Variants in RABL6 observed in about 807,000 individuals in gnomAD.
RABL6 encodes RAB, member RAS oncogene family like 6, also known as rab-like protein 6.
Under a neutral mutation model 72.9 loss-of-function variants are expected in RABL6, and 28 were observed. The ratio of observed to expected loss-of-function variants is 0.38; its 90% CI spans 0.28 to 0.53. RABL6 has a LOEUF of 0.53. Ranked by LOEUF, RABL6 falls within the 20% of genes least tolerant of loss-of-function variation. The pLI is 0.80. For synonymous variants in RABL6, 477 were observed against 421.2 expected, an observed-to-expected ratio of 1.13 and a Z score of -1.62; for missense variants, 1,029 against 1,008.4, an observed-to-expected ratio of 1.02 and a Z score of -0.28.
intron 7 of RABL6, chr9:136,833,992 C>T: frequency 6.6e-7 from 1 of 1,518,632 alleles, no homozygotes; most frequent in Non-Finnish European, 8.9e-7. Flanking sequence ...CAAAGCCTCC[C>T]AGGGAGAGAA....
chr9:136,814,253 C>CAATCT, intron 1 of RABL6: 2 of 192,678 alleles, frequency 1.0e-5, no homozygotes. Context: ...TGCAATGGTG[C>CAATCT]TCACTGCAGC....
intron 7 of RABL6, chr9:136,833,627 G>T: frequency 6.6e-7 from 1 of 1,513,990 alleles, no homozygotes; most frequent in Non-Finnish European, 8.9e-7. Context: ...GCTGGGTCTG[G>T]GGGACCTGAA....
chr9:136,821,412 G>C (rs1018841747), intron 1 of RABL6: 19 of 985,298 alleles, frequency 1.9e-5, no homozygotes, highest in African/African-American at 5.2e-5. Context: ...GAGCGGTGCC[G>C]GGGCGGGGAG....
At chr9:136,821,306 G>A (rs1031557115) in intron 1 of RABL6, 3 of 983,892 alleles carry the variant, frequency 3.0e-6, no homozygotes, top group African/African-American at 1.7e-5. Flanking sequence ...CCGTCTCTGC[G>A]CTCTCCGCGT....
chr9:136,808,528 C>G (rs1054204214), intron 1 of RABL6: 2 of 384,350 alleles, frequency 5.2e-6, no homozygotes, highest in Non-Finnish European at 8.3e-6. Context: ...TCGCGGCCCC[C>G]GAGCCGCGGG....
Position 136,840,515 on chromosome 9 carries a change from A to AGCTCTAGGCCG in RABL6, c.2186_*6dup, listed in dbSNP as rs758153684. The stretch of plus-strand genomic sequence containing the variant: ...CACCCTGGGGGTGGCGACTACGAGG[A>AGCTCTAGGCCG]GCTCTAGGCCGGCGTGGGCAGTGGC... On this transcript the variant is annotated stop_gained and frameshift_variant, in exon 15 of 15. Transcript: ENST00000311502. LOFTEE classifies it high-confidence loss of function. 37 of 1,505,290 alleles carry AGCTCTAGGCCG rather than the reference A, an allele frequency of 2.5e-5. No homozygotes were observed. The highest frequency in any genetic ancestry group is 4.4e-4 in the Middle Eastern group (2 of 4,530). The allele number at this position is 1,505,290 out of a possible 1,614,324, so 93.2% of individuals were successfully genotyped here. A position where few individuals can be genotyped will look rare whatever the true frequency, so the allele number is the denominator to read the frequency against.
chr9:136,815,913 G>A (rs564973141), intron 1 of RABL6, among the ~76,000 whole-genome samples: 3 of 152,156 alleles, frequency 2.0e-5, no homozygotes, highest in South Asian at 2.1e-4. Flanking sequence ...TTCACATCCC[G>A]TTTAGTAAAA....
intron 1 of RABL6, chr9:136,821,254 G>C (rs944695994): frequency 2.2e-6 from 2 of 903,770 alleles, no homozygotes; most frequent in African/African-American, 1.8e-5. Flanking sequence ...AGGGACGTCA[G>C]CGCGTTGGTT....
chr9:136,812,421 T>TG (rs1183556852), intron 1 of RABL6, among the ~76,000 whole-genome samples: 1 of 152,180 alleles, frequency 6.6e-6, no homozygotes, highest in African/African-American at 2.4e-5. Context: ...TAGCCAGGTG[T>TG]GGTGGCGTAT....
In RABL6 at chr9:136,826,057, G is replaced by A. The variant is rs1848349465; in HGVS notation, c.313+231G>A. On this transcript the variant is annotated intron_variant, in intron 3 of 14. Transcript: ENST00000311502. The surrounding 1 kb of genome is among the most constrained non-coding windows in gnomAD (Gnocchi z 4.9). ...TTTAGCATACTCCCCGTCTCTGAGT[G>A]ACCGCGTGCACGGTGGCGGCAGGTG... 1.3e-5 allele frequency among the ~76,000 whole-genome samples: 2 copies of A among 152,200 alleles called. No individual in the cohort carries two copies. Among genetic ancestry groups the A allele is most frequent in the South Asian group, 4.1e-4 (2 of 4,834 alleles).
At chr9:136,835,178 A>C (rs933589025) in intron 7 of RABL6, 2 of 152,222 alleles carry the variant, frequency 1.3e-5, no homozygotes, top group Admixed American at 6.5e-5. Context: ...CAGCTGGATC[A>C]CCTGAGGTCA....
At chr9:136,823,335 C>T (rs559971965) in intron 1 of RABL6, among the ~76,000 whole-genome samples, 190 bp from the exon 2 acceptor site, 1 of 152,284 alleles carries the variant, frequency 6.6e-6, no homozygotes, top group South Asian at 2.1e-4. Context: ...AGGTGTCCTC[C>T]TGATGGGAGA....
Position 136,837,358 on chromosome 9 carries a change from G to T in RABL6, c.822G>T (p.Met274Ile). 1 of 1,604,930 alleles carries T rather than the reference G, an allele frequency of 6.2e-7. No homozygotes were observed. ...TTCTGCCTTTCAGCTTCCTGGAGAT[G>T]ATGGAGGCTCGCAGCCGTGGCCATG... ...EDQNYGIFLE[M>I]MEARSRGHAS... The change falls in exon 9 of 15, where the codon ATG becomes ATT. Residue 274 changes from methionine (M) to isoleucine (I), a missense_variant. Physicochemically the swap from Met to Ile is conservative, Grantham distance 10 (BLOSUM62 1). Coordinates refer to ENST00000311502, the MANE Select transcript of RABL6 (RefSeq NM_024718.5).
At position 136,840,924 on chromosome 9, in the gene RABL6, G is replaced by C. The variant is rs1418771060; in HGVS notation, c.*402G>C. On this transcript the variant is annotated 3_prime_UTR_variant, in exon 15 of 15. Coordinates refer to ENST00000311502, the MANE Select transcript of RABL6 (RefSeq NM_024718.5). ...CCTGCTTGCCCTCCGCGCTCATCTGGGGCCGCAGCATGCCTATGGTTCCGC... is the reference window on the plus strand; with the variant it reads ...CCTGCTTGCCCTCCGCGCTCATCTGCGGCCGCAGCATGCCTATGGTTCCGC... The C allele has an allele frequency of 6.8e-7, 1 of 1,479,316 alleles. No homozygotes were observed. Among genetic ancestry groups the C allele is most frequent in the South Asian group, 1.3e-5 (1 of 74,082 alleles). 91.6% of individuals were successfully genotyped at this position (1,479,316 alleles called of 1,614,324 possible).
rs1242810685 is a variant in RABL6 at position 136,839,363 on chromosome 9, G to T, written c.1635G>T (p.Gly545=). The change falls in exon 12 of 15, where the codon GGG becomes GGT. Residue 545 remains glycine (G), a synonymous_variant. Transcript: ENST00000311502. ...STRPPAEMEP[G]KGEQASSSES... is the part of the protein sequence containing the mutation. ...GGCCCCCTGCTGAGATGGAGCCGGG[G>T]AAGGGTGAGCAGGCCTCCTCGTCGG... 2.5e-6 allele frequency: 4 copies of T among 1,612,762 alleles called. No individual in the cohort carries two copies. The highest frequency in any genetic ancestry group is 3.4e-6 in the Non-Finnish European group (4 of 1,179,810).
At chr9:136,811,484 G>A (rs1042387098) in intron 1 of RABL6, among the ~76,000 whole-genome samples, 5 of 152,024 alleles carry the variant, frequency 3.3e-5, no homozygotes, top group African/African-American at 1.2e-4. Context: ...CGGGTGTGAT[G>A]GTGGGTGCCT....
At position 136,808,128 on chromosome 9, in the gene RABL6, A is replaced by T. The variant is rs1163609760; in HGVS notation, c.-69A>T. The T allele has an allele frequency of 3.1e-5, 44 of 1,422,142 alleles. No homozygotes were observed. The highest frequency in any genetic ancestry group is 1.0e-4 in the East Asian group (3 of 30,082). 88.1% of individuals were successfully genotyped at this position (1,422,142 alleles called of 1,614,324 possible). A position where few individuals can be genotyped will look rare whatever the true frequency, so the allele number is the denominator to read the frequency against. On this transcript the variant is annotated 5_prime_UTR_variant, in exon 1 of 15. Transcript: ENST00000311502. ...GCCGGGGCCGCCGGGACATGGTGCC[A>T]GTCGCACCCCTTCCCCGCCGCCGCT...
intron 1 of RABL6, chr9:136,810,051 G>T (rs1847974579): frequency 6.6e-6 from 1 of 152,222 alleles, no homozygotes; most frequent in African/African-American, 2.4e-5. Flanking sequence ...TGTTATAATT[G>T]AAACTTTATA....
At position 136,839,281 on chromosome 9, in the gene RABL6, C is replaced by CT; in HGVS notation, c.1553_1554insT (p.Trp520LeufsTer22). The stretch of plus-strand genomic sequence containing the variant: ...ACAGCTCCCACGAGGACCGCAGCAC[C>CT]CCCCTGGCCAGGCGGTGTCTCTGTT... On this transcript the variant is annotated frameshift_variant, in exon 12 of 15. Transcript: ENST00000311502. LOFTEE classifies it high-confidence loss of function. The CT allele has an allele frequency of 6.2e-7, 1 of 1,610,084 alleles. No homozygotes were observed. The highest frequency in any genetic ancestry group is 8.5e-7 in the Non-Finnish European group (1 of 1,178,758).
Sources: allele counts gnomAD v4.1 joint callset (sites outside exome capture counted in the v4.1 genomes callset), GRCh38; gene constraint gnomAD v4.1.1; non-coding constraint Gnocchi (gnomAD v3.1); transcripts MANE v1.5; gene names NCBI Gene and HGNC (gene_info 2026-07-23, HGNC 2026-07-21).